PRKN: variants seen among roughly 807,000 people sequenced by gnomAD.
PRKN encodes parkin RBR E3 ubiquitin protein ligase.
A neutral mutation model predicts 59.5 loss-of-function variants in PRKN; 56 were observed. That is an observed-to-expected ratio of 0.94 (90% CI 0.76 to 1.18). The LOEUF (loss-of-function observed/expected upper bound fraction) is 1.18, where lower values mean the gene tolerates loss of function less well. Among genes scored for constraint, PRKN ranks in the 50% most tolerant of loss-of-function variants. The pLI, the probability that PRKN is intolerant of heterozygous loss-of-function variation, is 0.00. For synonymous variants in PRKN, 250 were observed against 222.1 expected (o/e 1.13, Z -1.12); for missense variants, 657 against 596.4 (o/e 1.10, Z -1.06).
chr6:161,899,448 T>C (rs1777799167), intron 6 of PRKN, among the ~76,000 whole-genome samples: 1 of 152,194 alleles, frequency 6.6e-6, no homozygotes, highest in Non-Finnish European at 1.5e-5. Flanking sequence ...TATTTTGCAA[T>C]TTTATCAAAT....
chr6:162,033,173 G>A (rs921015458), intron 5 of PRKN, among the ~76,000 whole-genome samples: 13 of 152,106 alleles, frequency 8.5e-5, no homozygotes, highest in African/African-American at 2.4e-4. Flanking sequence ...GATCATATTC[G>A]AGTGTATCAG....
chr6:162,431,901 T>A (rs532324454), intron 2 of PRKN, among the ~76,000 whole-genome samples: 3 of 152,322 alleles, frequency 2.0e-5, no homozygotes, highest in East Asian at 3.9e-4. Flanking sequence ...GTGAATTTAT[T>A]GCCATTTTCA....
intron 3 of PRKN, among the ~76,000 whole-genome samples, chr6:162,235,958 G>GAAAGAAA (rs1562602229): frequency 0.024 from 2,213 of 92,656 alleles, 102 homozygotes; most frequent in South Asian, 0.045. Context: ...AGGAAGAAAG[G>GAAAGAAA]AAGAAAGAAA....
intron 2 of PRKN, among the ~76,000 whole-genome samples, chr6:162,382,534 G>A (rs893308200): frequency 1.3e-5 from 2 of 152,072 alleles, no homozygotes; most frequent in African/African-American, 4.8e-5. Context: ...TTAAAAATAC[G>A]TTATTGCTAA....
At chr6:161,618,657 C>T (rs1223143751) in intron 7 of PRKN, among the ~76,000 whole-genome samples, 1 of 152,198 alleles carries the variant, frequency 6.6e-6, no homozygotes, top group Non-Finnish European at 1.5e-5. Context: ...ATGTCTAATG[C>T]TGAGCCCAGT....
At chr6:161,486,472 G>A (rs6455730) in intron 9 of PRKN, among the ~76,000 whole-genome samples, 32,780 of 152,028 alleles carry the variant, frequency 0.22, 4,061 homozygotes, top group African/African-American at 0.34. Flanking sequence ...AAGCAGTGGT[G>A]TGAATACAGC....
At chr6:162,161,299 AG>A (rs944920203) in intron 4 of PRKN, among the ~76,000 whole-genome samples, 1 of 152,154 alleles carries the variant, frequency 6.6e-6, no homozygotes, top group African/African-American at 2.4e-5. Flanking sequence ...TGTGGTGTCC[AG>A]CCCAGTACCC....
chr6:162,711,169 T>A (rs770789969), intron 1 of PRKN, among the ~76,000 whole-genome samples: 2 of 152,202 alleles, frequency 1.3e-5, no homozygotes, highest in Non-Finnish European at 2.9e-5. Flanking sequence ...CTGACCCTTG[T>A]CAGACAATGC....
At chr6:162,150,137 G>A (rs1782204334) in intron 4 of PRKN, among the ~76,000 whole-genome samples, 1 of 152,130 alleles carries the variant, frequency 6.6e-6, no homozygotes, top group East Asian at 1.9e-4. Context: ...CACTACCATC[G>A]CCGTGTCTTT....
intron 3 of PRKN, among the ~76,000 whole-genome samples, chr6:162,211,919 A>G (rs1357015050): frequency 6.6e-6 from 1 of 152,174 alleles, no homozygotes; most frequent in Non-Finnish European, 1.5e-5. Context: ...CTCTAGTAAC[A>G]TACTGATAAG....
At chr6:161,860,441 T>C (rs1793848485) in intron 6 of PRKN, among the ~76,000 whole-genome samples, 2 of 152,194 alleles carry the variant, frequency 1.3e-5, no homozygotes, top group Non-Finnish European at 2.9e-5. Flanking sequence ...AAATCTTCTT[T>C]TTCAACATCA....
chr6:162,025,583 C>CTTTGTTTTTTTT (rs1783401407), intron 5 of PRKN, among the ~76,000 whole-genome samples: 1 of 59,006 alleles, frequency 1.7e-5, no homozygotes, highest in African/African-American at 7.3e-5. Flanking sequence ...ATCCATGGTG[C>CTTTGTTTTTTTT]TTTTTTTTTT....
chr6:162,023,808 C>T (rs10223525), intron 5 of PRKN, among the ~76,000 whole-genome samples: 16,596 of 152,130 alleles, frequency 0.11, 1,197 homozygotes, highest in South Asian at 0.14. Context: ...TTACCCAGCA[C>T]TTCCCTTCCC....
intron 2 of PRKN, among the ~76,000 whole-genome samples, chr6:162,299,693 A>G (rs1781855172): frequency 6.6e-6 from 1 of 151,746 alleles, no homozygotes. Flanking sequence ...TCCTTTATAT[A>G]TATGTGTGTC....
intron 9 of PRKN, among the ~76,000 whole-genome samples, chr6:161,455,945 C>T (rs879575509): frequency 1.3e-5 from 2 of 150,024 alleles, no homozygotes; most frequent in Non-Finnish European, 3.0e-5. Context: ...TATAGAGAAA[C>T]AAATATTGAA....
Position 161,461,113 on chromosome 6 carries a change from C to T in PRKN, c.1084-74236G>A, listed in dbSNP as rs1207866540. 6.6e-6 allele frequency among the ~76,000 whole-genome samples: 1 copy of T among 152,128 alleles called. No homozygotes were observed. Among genetic ancestry groups the T allele is most frequent in the Non-Finnish European group, 1.5e-5 (1 of 68,046 alleles). On this transcript the variant is annotated intron_variant, in intron 9 of 11. Transcript: ENST00000366898. The surrounding 1 kb of genome is among the most constrained non-coding windows in gnomAD (Gnocchi z 5.1). ...TCTATTAACCCCATAAACATTCCAC[C>T]TGCATCAGTTTTTCAGAAAACAGAA...
rs1295455056 is a variant in PRKN, at chr6:161,829,294, T to C, written c.735-43386A>G. 5.3e-5 allele frequency among the ~76,000 whole-genome samples: 8 copies of C among 152,122 alleles called. No homozygotes were observed. In the East Asian group the frequency reaches 1.5e-3, roughly 29 times the overall value. Reference sequence around the variant, plus strand: ...CAGCATAGTAAGAAGCCCTGGAAAGTGCAAGTGCTTTTGCACCCATGAGCT... The same window carrying C: ...CAGCATAGTAAGAAGCCCTGGAAAGCGCAAGTGCTTTTGCACCCATGAGCT... On this transcript the variant is annotated intron_variant, in intron 6 of 11. Transcript: ENST00000366898.
chr6:161,579,525 T>C lies in PRKN; in HGVS notation c.872-10109A>G, dbSNP rs1222853185. Among the ~76,000 whole-genome samples, 3 of 152,222 alleles carry C rather than the reference T, an allele frequency of 2.0e-5. No homozygotes were observed. Among genetic ancestry groups the C allele is most frequent in the African/African-American group, 7.2e-5 (3 of 41,454 alleles). ...GTACCCTATACTTCGCCATAGAGTGTGCTCTGTAAACTGGCCTTCCTTGTA... is the reference window on the plus strand; with the variant it reads ...GTACCCTATACTTCGCCATAGAGTGCGCTCTGTAAACTGGCCTTCCTTGTA... On this transcript the variant is annotated intron_variant, in intron 7 of 11. Transcript: ENST00000366898. The surrounding 1 kb of genome is among the most constrained non-coding windows in gnomAD (Gnocchi z 4.2).
intron 7 of PRKN, among the ~76,000 whole-genome samples, chr6:161,686,128 AG>A (rs769074121): frequency 5.3e-5 from 8 of 151,850 alleles, no homozygotes; most frequent in Non-Finnish European, 7.4e-5. Flanking sequence ...ATGATTTTGT[AG>A]AAAATAGTAA....
Sources: gnomAD v4.1 joint callset for allele counts (sites outside exome capture counted in the v4.1 genomes callset) on GRCh38, gnomAD v4.1.1 for gene constraint, Gnocchi (gnomAD v3.1) non-coding constraint, MANE v1.5 for transcripts, NCBI Gene and HGNC (gene_info 2026-07-23, HGNC 2026-07-21) for gene names.